AFM: variants seen among roughly 807,000 people sequenced by gnomAD.
The protein encoded by AFM is afamin.
AFM carries 82 observed loss-of-function variants against 68.7 expected under a neutral mutation model. The observed-to-expected ratio is 1.19, with a 90% CI of 1.00 to 1.43. AFM has a LOEUF of 1.43. Ranked by LOEUF, AFM falls within the 40% of genes most tolerant of loss-of-function variation. AFM has a pLI of 0.00. For synonymous variants in AFM, 250 were observed against 234.2 expected (o/e 1.07, Z -0.61); for missense variants, 772 against 701.8 (o/e 1.10, Z -1.13).
chr4:73,484,872 G>A (rs1476957173), intron 3 of AFM, among the ~76,000 whole-genome samples: 1 of 151,994 alleles, frequency 6.6e-6, no homozygotes, highest in Non-Finnish European at 1.5e-5. Flanking sequence ...AAGATTTTTT[G>A]CCCAACACTG....
At chr4:73,502,128 G>GGTT (rs1175631216) in intron 13 of AFM, among the ~76,000 whole-genome samples, 1 of 152,132 alleles carries the variant, frequency 6.6e-6, no homozygotes, top group Non-Finnish European at 1.5e-5. Context: ...GGAAGACCTG[G>GGTT]GTTGTAACCC....
intron 10 of AFM, among the ~76,000 whole-genome samples, 156 bp downstream of exon 10, chr4:73,497,905 T>A (rs556862097): frequency 1.7e-4 from 26 of 152,332 alleles, no homozygotes; most frequent in Non-Finnish European, 3.1e-4. Context: ...CCTATTGAAC[T>A]GTCACATTAA....
At position 73,486,000 on chromosome 4, in the gene AFM, C is replaced by T. The variant is rs146636018; in HGVS notation, c.409C>T (p.Pro137Ser). The change falls in exon 4 of 15, where the codon CCT (proline) becomes TCT (serine). Residue 137 changes from proline to serine, a missense_variant. Transcript: ENST00000226355. ...CAAGAAATCTGATGTGGGATTTCTG[C>T]CTCCTTTCCCTACCCTGGATCCCGA... is the stretch of plus-strand genomic sequence containing the variant. ...YNKKSDVGFL[P>S]PFPTLDPEEK... 31 of 1,613,908 alleles carry T rather than the reference C, an allele frequency of 1.9e-5. 1 individual carries two copies. The Middle Eastern group carries it at 2.3e-3, about 120-fold the overall frequency.
intron 1 of AFM, among the ~76,000 whole-genome samples, chr4:73,483,336 G>A (rs1325460856): frequency 6.6e-6 from 1 of 152,160 alleles, no homozygotes; most frequent in Non-Finnish European, 1.5e-5. Flanking sequence ...TGATGTCAAG[G>A]GGAGATATTT....
intron 13 of AFM, among the ~76,000 whole-genome samples, chr4:73,502,380 C>T (rs1375605306): frequency 6.6e-6 from 1 of 152,122 alleles, no homozygotes; most frequent in African/African-American, 2.4e-5. Context: ...CTCACTTTCC[C>T]AGGCCTTGTG....
At chr4:73,495,523 G>T in intron 9 of AFM, 91 bp downstream of exon 9, 7 of 1,507,572 alleles carry the variant, frequency 4.6e-6, no homozygotes, top group Non-Finnish European at 4.5e-6. Context: ...GCAGTCTGGG[G>T]GTAGAAAATG....
intron 5 of AFM, 130 bp downstream of exon 5, chr4:73,487,229 T>A: frequency 1.0e-6 from 1 of 1,003,464 alleles, no homozygotes; most frequent in Non-Finnish European, 1.4e-6. Context: ...TCAGTGATTT[T>A]CAAACCATTG....
At position 73,500,068 on chromosome 4, in the gene AFM, A is replaced by G; in HGVS notation, c.1487A>G (p.Asp496Gly). 6.2e-7 allele frequency: 1 copy of G among 1,614,056 alleles called. No homozygotes were observed. Among genetic ancestry groups the G allele is most frequent in the Non-Finnish European group, 8.5e-7 (1 of 1,179,966 alleles). The change falls in exon 12 of 15, where the codon GAC (aspartate) becomes GGC (glycine). Residue 496 changes from aspartate (D) to glycine (G), a missense_variant. Physicochemically the swap from Asp to Gly is moderately conservative, Grantham distance 94. Coordinates refer to ENST00000226355, the MANE Select transcript of AFM (RefSeq NM_001133.2). The stretch of plus-strand genomic sequence containing the variant: ...AATCGAACTATCAACCCTGCTGTGG[A>G]CCACTGCTGTAAAACAAACTTTGCC... ...NENRTINPAVDHCCKTNFAFR... is the reference protein window; with the variant it reads ...NENRTINPAVGHCCKTNFAFR...
At position 73,499,185 on chromosome 4, in the gene AFM, T is replaced by G. The variant is rs922215605; in HGVS notation, c.1361T>G (p.Met454Arg). ...TEELVSLGEK[M>R]VTAFTTCCTL... is the part of the protein sequence containing the mutation. ...GAACTGGTGTCTCTTGGCGAGAAAA[T>G]GGTGACAGCTTTCACTACTTGCTGT... Residue 454 changes from methionine to arginine, a missense_variant, in exon 11 of 15, where the codon ATG (methionine) becomes AGG (arginine). By Grantham distance (91) the Met-to-Arg change is moderately conservative. Transcript: ENST00000226355. 2 of 1,613,076 alleles carry G rather than the reference T, an allele frequency of 1.2e-6. No homozygotes were observed. The highest frequency in any genetic ancestry group is 1.7e-6 in the Non-Finnish European group (2 of 1,179,528).
chr4:73,503,238 C>T, intron 14 of AFM, 128 bp downstream of exon 14: 1 of 691,690 alleles, frequency 1.4e-6, no homozygotes, highest in Non-Finnish European at 2.5e-6. Context: ...GCACATGTAG[C>T]TAACAGACCC....
At chr4:73,489,949 C>T (rs929977658) in intron 7 of AFM, among the ~76,000 whole-genome samples, 4 of 152,114 alleles carry the variant, frequency 2.6e-5, no homozygotes, top group African/African-American at 9.7e-5. Flanking sequence ...CAAGCCTGTA[C>T]ATTCTGCACA....
chr4:73,502,964 A>G, intron 13 of AFM, 86 bp from the exon 14 acceptor site: 9 of 1,267,568 alleles, frequency 7.1e-6, no homozygotes, highest in Non-Finnish European at 1.0e-5. Context: ...TTTTCTTCAA[A>G]ATTCAGGAAA....
At chr4:73,501,410 AGC>A (rs1225640311) in intron 12 of AFM, among the ~76,000 whole-genome samples, 3 of 152,028 alleles carry the variant, frequency 2.0e-5, no homozygotes, top group Non-Finnish European at 4.4e-5. Flanking sequence ...CTCCTCTTCT[AGC>A]TATTTTGAAA....
chr4:73,481,889 T>A, intron 1 of AFM, 26 bp downstream of exon 1: 1 of 1,412,966 alleles, frequency 7.1e-7, no homozygotes, highest in Non-Finnish European at 9.9e-7. Context: ...GTATATCAGC[T>A]AAAGCATGAC....
intron 12 of AFM, 104 bp downstream of exon 12, chr4:73,500,331 C>T: frequency 1.0e-6 from 1 of 999,130 alleles, no homozygotes; most frequent in Non-Finnish European, 1.4e-6. Context: ...TATCACAATC[C>T]TGTTCCTTCC....
intron 7 of AFM, among the ~76,000 whole-genome samples, chr4:73,490,239 G>A (rs1433858290): frequency 1.3e-5 from 2 of 151,502 alleles, no homozygotes; most frequent in Non-Finnish European, 2.9e-5. Flanking sequence ...GGCTTACAGT[G>A]AAGATAGCAT....
At chr4:73,495,142 C>G (rs1721216594) in intron 8 of AFM, 158 bp from the exon 9 acceptor site, 1 of 554,188 alleles carries the variant, frequency 1.8e-6, no homozygotes. Context: ...TGATCTATAG[C>G]CAAAATGTCC....
intron 12 of AFM, among the ~76,000 whole-genome samples, chr4:73,501,016 ATTTTCCTC>A (rs1721409465): frequency 6.6e-6 from 1 of 152,054 alleles, no homozygotes; most frequent in South Asian, 2.1e-4. Context: ...GACTTATTAC[ATTTTCCTC>A]TTTGGTGCAT....
At chr4:73,485,259 G>C (rs1056542452) in intron 3 of AFM, among the ~76,000 whole-genome samples, 1 of 152,060 alleles carries the variant, frequency 6.6e-6, no homozygotes, top group Admixed American at 6.5e-5. Flanking sequence ...TAACATACCA[G>C]CATGTCATCA....
Sources: gnomAD v4.1 joint callset for allele counts (sites outside exome capture counted in the v4.1 genomes callset) on GRCh38, gnomAD v4.1.1 for gene constraint, MANE v1.5 for transcripts, NCBI Gene and HGNC (gene_info 2026-07-23, HGNC 2026-07-21) for gene names.